Variants in JPH4 observed in about 807,000 individuals in gnomAD.
JPH4 encodes junctophilin-4.
A neutral mutation model predicts 57.6 loss-of-function variants in JPH4; 18 were observed. The ratio of observed to expected loss-of-function variants is 0.31; its 90% CI spans 0.22 to 0.46. JPH4 has a LOEUF of 0.46. Among genes scored for constraint, JPH4 ranks in the 20% least tolerant of loss-of-function variants. The pLI is 1.00. For missense variants in JPH4, 727 were observed against 911.1 expected, an observed-to-expected ratio of 0.80 and a Z score of 2.60; for synonymous variants, 425 against 406.6, an observed-to-expected ratio of 1.05 and a Z score of -0.54.
chr14:23,572,969 G>T, intron 3 of JPH4: 1 of 702,426 alleles, frequency 1.4e-6, no homozygotes, highest in Non-Finnish European at 2.6e-6. Context: ...AATCGTAGAT[G>T]CCTTGTCATC....
Position 23,571,555 on chromosome 14 carries a change from G to A in JPH4, c.1271-95C>T, listed in dbSNP as rs141368252. The A allele has an allele frequency of 3.1e-4, 442 of 1,434,832 alleles. No homozygotes were observed. The African/African-American group carries it at 5.8e-3, about 19-fold the overall frequency. The allele number at this position is 1,434,832 out of a possible 1,614,324, so 88.9% of individuals were successfully genotyped here. Reference sequence around the variant, plus strand: ...CTGACTGGGCACTTCCCAGGACTTTGGAATTCCCAGGCTCATAGCCTCTCA... The same window carrying A: ...CTGACTGGGCACTTCCCAGGACTTTAGAATTCCCAGGCTCATAGCCTCTCA... On this transcript the variant is annotated intron_variant, in intron 4 of 5. Transcript: ENST00000356300. The surrounding 1 kb of genome is among the most constrained non-coding windows in gnomAD (Gnocchi z 4.6).
Position 23,577,354 on chromosome 14 carries a change from C to T in JPH4, c.100G>A (p.Gly34Ser), listed in dbSNP as rs1889300360. Residue 34 changes from glycine (G) to serine (S), a missense_variant, in exon 2 of 6, where the codon GGC becomes AGC. Transcript: ENST00000356300. This position sits in a 1 kb window ranked among gnomAD's most constrained non-coding sequence, Gnocchi z 8.4. ...CAGCCGCTGTACTCGCCCTGGGCGC[C>T]GGGGCCCGTGCACACGCCGTAGCCA... is the stretch of plus-strand genomic sequence containing the variant. ...AHGYGVCTGP[G>S]AQGEYSGCWA... 2.0e-6 allele frequency: 3 copies of T among 1,521,404 alleles called. No homozygotes were observed. The highest frequency in any genetic ancestry group is 2.5e-5 in the East Asian group (1 of 39,276). 94.2% of individuals were successfully genotyped at this position (1,521,404 alleles called of 1,614,324 possible). A position where few individuals can be genotyped will look rare whatever the true frequency, so the allele number is the denominator to read the frequency against.
Position 23,576,368 on chromosome 14 carries a change from G to T in JPH4, c.468C>A (p.Arg156=). 7.4e-7 allele frequency: 1 copy of T among 1,345,416 alleles called. No individual in the cohort carries two copies. The highest frequency in any genetic ancestry group is 9.5e-7 in the Non-Finnish European group (1 of 1,053,230). The allele number at this position is 1,345,416 out of a possible 1,614,324, so 83.3% of individuals were successfully genotyped here. ...AATCCAGGGAGGTGCGGCGGGGCGAGCGCAGCAGCGCCGCCTGATGGTAGG... is the reference window on the plus strand; with the variant it reads ...AATCCAGGGAGGTGCGGCGGGGCGATCGCAGCAGCGCCGCCTGATGGTAGG... ...SVPYHQAALL[R]SPRRTSLDSG... The change falls in exon 3 of 6, where the codon CGC becomes CGA. Residue 156 remains arginine (R), a synonymous_variant. Coordinates refer to ENST00000356300, the MANE Select transcript of JPH4 (RefSeq NM_001146028.2). The surrounding 1 kb of genome is among the most constrained non-coding windows in gnomAD (Gnocchi z 8.0).
rs771352502 is a variant in JPH4, at chr14:23,575,605, C to T, written c.1151+80G>A. On this transcript the variant is annotated intron_variant, in intron 3 of 5. Coordinates refer to ENST00000356300, the MANE Select transcript of JPH4 (RefSeq NM_001146028.2). This position sits in a 1 kb window ranked among gnomAD's most constrained non-coding sequence, Gnocchi z 6.9. ...CCCTAGGCCTTGGGCCTTGGGCCTC[C>T]CTTAGGCACACCCGCCTTCCTGGTC... 1.3e-6 allele frequency: 2 copies of T among 1,533,074 alleles called. No homozygotes were observed. Among genetic ancestry groups the T allele is most frequent in the Non-Finnish European group, 1.8e-6 (2 of 1,140,854 alleles). The allele number at this position is 1,533,074 out of a possible 1,614,324, so 95.0% of individuals were successfully genotyped here.
At chr14:23,570,523 C>T (rs1160357724) in intron 5 of JPH4, among the ~76,000 whole-genome samples, 1 of 152,094 alleles carries the variant, frequency 6.6e-6, no homozygotes, top group Admixed American at 6.5e-5. Flanking sequence ...AGGCGCCCGC[C>T]ACCACGCCCG....
chr14:23,571,833 G>C lies in JPH4; in HGVS notation c.1239C>G (p.Ala413=), dbSNP rs770705853. 1 of 1,613,010 alleles carries C rather than the reference G, an allele frequency of 6.2e-7. No homozygotes were observed. The highest frequency in any genetic ancestry group is 2.2e-5 in the East Asian group (1 of 44,888). Residue 413 remains alanine, a synonymous_variant, in exon 4 of 6, where the codon GCC becomes GCG. Transcript: ENST00000356300. This position sits in a 1 kb window ranked among gnomAD's most constrained non-coding sequence, Gnocchi z 4.6. ...CCTCTAGCATGGGCTGCAGGTCCTGGGCTATCAGTTTGGCCATTCGAGCTG... is the reference window on the plus strand; with the variant it reads ...CCTCTAGCATGGGCTGCAGGTCCTGCGCTATCAGTTTGGCCATTCGAGCTG... ...VEAARMAKLI[A]QDLQPMLEAP...
chr14:23,573,966 A>ACACACACACACG (rs1555363392), intron 3 of JPH4, among the ~76,000 whole-genome samples: 1 of 151,614 alleles, frequency 6.6e-6, no homozygotes, highest in African/African-American at 2.4e-5. Flanking sequence ...ACACACACAC[A>ACACACACACACG]CACGCACTCT....
At position 23,569,452 on chromosome 14, in the gene JPH4, T is replaced by C. The variant is rs533927273; in HGVS notation, c.*182A>G. 3.3e-6 allele frequency: 2 copies of C among 612,030 alleles called. No homozygotes were observed. Among genetic ancestry groups the C allele is most frequent in the African/African-American group, 1.9e-5 (1 of 52,626 alleles). 37.9% of individuals were successfully genotyped at this position (612,030 alleles called of 1,614,324 possible). ...AGAGACAGATCCAGAAGAAATGAGA[T>C]AATCTGAAAGAAGACAGGGAAAGAA... On this transcript the variant is annotated 3_prime_UTR_variant, in exon 6 of 6. Transcript: ENST00000356300. This position sits in a 1 kb window ranked among gnomAD's most constrained non-coding sequence, Gnocchi z 4.8.
rs370871388 is a variant in JPH4 at position 23,570,986 on chromosome 14, G to C, written c.1745C>G (p.Ala582Gly). ...LRGSSSRGPDAGCLTEELGEP... is the reference protein window; with the variant it reads ...LRGSSSRGPDGGCLTEELGEP... The stretch of plus-strand genomic sequence containing the variant: ...CCCGAGCTCTTCTGTCAGGCACCCA[G>C]CATCAGGACCCCTCGAGGACGAGCC... The change falls in exon 5 of 6, where the codon GCT becomes GGT. Residue 582 changes from alanine to glycine, a missense_variant. By Grantham distance (60) the Ala-to-Gly change is moderately conservative. Transcript: ENST00000356300. 2.1e-5 allele frequency: 33 copies of C among 1,537,876 alleles called. No individual in the cohort carries two copies. Among genetic ancestry groups the C allele is most frequent in the Non-Finnish European group, 2.6e-5 (30 of 1,142,660 alleles).
chr14:23,569,290 T>C lies in JPH4; in HGVS notation c.*344A>G. On this transcript the variant is annotated 3_prime_UTR_variant, in exon 6 of 6. Coordinates refer to ENST00000356300, the MANE Select transcript of JPH4 (RefSeq NM_001146028.2). This position sits in a 1 kb window ranked among gnomAD's most constrained non-coding sequence, Gnocchi z 4.8. ...GCGAAGTTGAGGTCTAAAGAAAAGG[T>C]GGGAGGGCGTGGAGCAATGGTCTGA... 3.4e-6 allele frequency: 1 copy of C among 296,216 alleles called. No homozygotes were observed. Among genetic ancestry groups the C allele is most frequent in the Non-Finnish European group, 6.5e-6 (1 of 154,026 alleles). 18.3% of individuals were successfully genotyped at this position (296,216 alleles called of 1,614,324 possible).
In JPH4 at chr14:23,568,907, A is replaced by G. The variant is rs551053550; in HGVS notation, c.*727T>C. On this transcript the variant is annotated 3_prime_UTR_variant, in exon 6 of 6. Coordinates refer to ENST00000356300, the MANE Select transcript of JPH4 (RefSeq NM_001146028.2). Reference sequence around the variant, plus strand: ...TGTTCCTTTACACGTTGCTCTTGGCATGGCATGCCACCAGAGGGGGCTGGA... The same window carrying G: ...TGTTCCTTTACACGTTGCTCTTGGCGTGGCATGCCACCAGAGGGGGCTGGA... 1.1e-3 allele frequency: 748 copies of G among 650,794 alleles called. 1 individual carries two copies. Among genetic ancestry groups the G allele is most frequent in the Non-Finnish European group, 1.4e-3 (716 of 524,364 alleles). The allele number at this position is 650,794 out of a possible 1,614,324, so 40.3% of individuals were successfully genotyped here.
In JPH4 at chr14:23,569,863, C is replaced by T. The variant is rs1019235327; in HGVS notation, c.1804-146G>A. The T allele has an allele frequency of 9.4e-5, 57 of 606,392 alleles. No individual in the cohort carries two copies. Among genetic ancestry groups the T allele is most frequent in the Admixed American group, 6.3e-5 (2 of 31,858 alleles). 37.6% of individuals were successfully genotyped at this position (606,392 alleles called of 1,614,324 possible). A position where few individuals can be genotyped will look rare whatever the true frequency, so the allele number is the denominator to read the frequency against. On this transcript the variant is annotated intron_variant, in intron 5 of 5. Transcript: ENST00000356300. The surrounding 1 kb of genome is among the most constrained non-coding windows in gnomAD (Gnocchi z 4.8). ...GATCGCCAACATTTGTTTTGGATTG[C>T]AAAACCCCCTCTTCTCCCAGGCAGG...
rs569268634 is a variant in JPH4 at position 23,573,057 on chromosome 14, T to G, written c.1152-1137A>C. 3.1e-5 allele frequency: 21 copies of G among 667,562 alleles called. 1 individual carries two copies. The Middle Eastern group carries it at 1.7e-3, about 54-fold the overall frequency. The allele number at this position is 667,562 out of a possible 1,614,324, so 41.4% of individuals were successfully genotyped here. A position where few individuals can be genotyped will look rare whatever the true frequency, so the allele number is the denominator to read the frequency against. ...GGCAGGCCGACGAGCTGCCATGGGC[T>G]TGAATTGATCACACCCCATGACTTC... On this transcript the variant is annotated intron_variant, in intron 3 of 5. Coordinates refer to ENST00000356300, the MANE Select transcript of JPH4 (RefSeq NM_001146028.2).
chr14:23,572,712 G>T, intron 3 of JPH4: 1 of 589,746 alleles, frequency 1.7e-6, no homozygotes, highest in South Asian at 2.1e-5. Context: ...GAATGAGAGT[G>T]GGTCTCCCCT....
intron 3 of JPH4, chr14:23,573,127 G>A: frequency 8.3e-6 from 5 of 605,562 alleles, no homozygotes; most frequent in Admixed American, 5.7e-5. Context: ...AGGCAGTCTG[G>A]TATGGGGGTG....
Position 23,571,584 on chromosome 14 carries a change from C to G in JPH4, c.1271-124G>C, listed in dbSNP as rs1889148761. 8.0e-7 allele frequency: 1 copy of G among 1,257,436 alleles called. No homozygotes were observed. The highest frequency in any genetic ancestry group is 1.1e-6 in the Non-Finnish European group (1 of 906,358). 77.9% of individuals were successfully genotyped at this position (1,257,436 alleles called of 1,614,324 possible). A position where few individuals can be genotyped will look rare whatever the true frequency, so the allele number is the denominator to read the frequency against. ...TTCCCAGGCTCATAGCCTCTCACCG[C>G]CAGACCCCAAACCCCCCATTATCCT... On this transcript the variant is annotated intron_variant, in intron 4 of 5. Coordinates refer to ENST00000356300, the MANE Select transcript of JPH4 (RefSeq NM_001146028.2). The surrounding 1 kb of genome is among the most constrained non-coding windows in gnomAD (Gnocchi z 4.6).
At position 23,569,896 on chromosome 14, in the gene JPH4, C is replaced by G. The variant is rs1245436264; in HGVS notation, c.1804-179G>C. Among the ~76,000 whole-genome samples the G allele has an allele frequency of 6.6e-6, 1 of 152,208 alleles. No individual in the cohort carries two copies. The highest frequency in any genetic ancestry group is 1.5e-5 in the Non-Finnish European group (1 of 68,040). ...CCTCTTCTCCCAGGCAGGGCCCCAC[C>G]TTTCCTCTGACACCTTCAATGCAGG... On this transcript the variant is annotated intron_variant, in intron 5 of 5. Coordinates refer to ENST00000356300, the MANE Select transcript of JPH4 (RefSeq NM_001146028.2). The surrounding 1 kb of genome is among the most constrained non-coding windows in gnomAD (Gnocchi z 4.8).
At position 23,571,642 on chromosome 14, in the gene JPH4, C is replaced by T. The variant is rs1312613438; in HGVS notation, c.1270+160G>A. Among the ~76,000 whole-genome samples, 3 of 152,156 alleles carry T rather than the reference C, an allele frequency of 2.0e-5. No individual in the cohort carries two copies. Among genetic ancestry groups the T allele is most frequent in the African/African-American group, 7.2e-5 (3 of 41,426 alleles). On this transcript the variant is annotated intron_variant, in intron 4 of 5. Transcript: ENST00000356300. The surrounding 1 kb of genome is among the most constrained non-coding windows in gnomAD (Gnocchi z 4.6). ...ACATTCCCAAGTCCCACTCCCCAGACTACCAGGTCTGGCCCCCACCCTGTG... is the reference window on the plus strand; with the variant it reads ...ACATTCCCAAGTCCCACTCCCCAGATTACCAGGTCTGGCCCCCACCCTGTG...
Position 23,571,665 on chromosome 14 carries a change from G to A in JPH4, c.1270+137C>T, listed in dbSNP as rs770583510. 9.8e-7 allele frequency: 1 copy of A among 1,023,944 alleles called. No homozygotes were observed. The highest frequency in any genetic ancestry group is 1.5e-6 in the Non-Finnish European group (1 of 684,290). The allele number at this position is 1,023,944 out of a possible 1,614,324, so 63.4% of individuals were successfully genotyped here. A position where few individuals can be genotyped will look rare whatever the true frequency, so the allele number is the denominator to read the frequency against. On this transcript the variant is annotated intron_variant, in intron 4 of 5. Coordinates refer to ENST00000356300, the MANE Select transcript of JPH4 (RefSeq NM_001146028.2). The surrounding 1 kb of genome is among the most constrained non-coding windows in gnomAD (Gnocchi z 4.6). The stretch of plus-strand genomic sequence containing the variant: ...GACTACCAGGTCTGGCCCCCACCCT[G>A]TGTTCCTTGCACCCTCATTCCTTGT...
Sources: gnomAD v4.1 joint callset for allele counts (sites outside exome capture counted in the v4.1 genomes callset) on GRCh38, gnomAD v4.1.1 for gene constraint, Gnocchi (gnomAD v3.1) non-coding constraint, MANE v1.5 for transcripts, NCBI Gene and HGNC (gene_info 2026-07-23, HGNC 2026-07-21) for gene names.